PCNX2: variants seen among roughly 807,000 people sequenced by gnomAD.
PCNX2 encodes pecanex 2, also known as pecanex-like protein 2.
PCNX2 carries 168 observed loss-of-function variants against 223.8 expected under a neutral mutation model. That is an observed-to-expected ratio of 0.75 (90% CI 0.66 to 0.85). PCNX2 has a LOEUF of 0.85. Among genes scored for constraint, PCNX2 ranks in the 40% least tolerant of loss-of-function variants. The pLI, the probability that PCNX2 is intolerant of heterozygous loss-of-function variation, is 0.00. For missense variants in PCNX2, 2,507 were observed against 2,675.5 expected, an observed-to-expected ratio of 0.94 and a Z score of 1.39; for synonymous variants, 1,006 against 1,052.6, an observed-to-expected ratio of 0.96 and a Z score of 0.86.
At chr1:233,218,209 CAAAAAAAA>C (rs34818026) in intron 10 of PCNX2, 25 bp from the exon 11 acceptor site, 91,452 of 274,542 alleles carry the variant, frequency 0.33, 4,039 homozygotes, top group East Asian at 0.4. Flanking sequence ...TACATAAAAG[CAAAAAAAA>C]AAAAAAAAAA....
rs1038784299 is a variant in PCNX2, at chr1:233,208,116, T to G, written c.2863+402A>C. 2.6e-5 allele frequency among the ~76,000 whole-genome samples: 4 copies of G among 152,238 alleles called. No individual in the cohort carries two copies. The East Asian group carries it at 5.8e-4, about 22-fold the overall frequency. ...AATTACAGGCATGCGCCAACATGCC[T>G]GGCTAATTTTTTGTATCTTTTTAGT... is the stretch of plus-strand genomic sequence containing the variant. On this transcript the variant is annotated intron_variant, in intron 13 of 33. Coordinates refer to ENST00000258229, the MANE Select transcript of PCNX2 (RefSeq NM_014801.4).
At chr1:233,256,284 AT>A (rs1659729633) in intron 5 of PCNX2, among the ~76,000 whole-genome samples, 1 of 152,152 alleles carries the variant, frequency 6.6e-6, no homozygotes, top group Non-Finnish European at 1.5e-5. Flanking sequence ...AAATAGCAAA[AT>A]TTTTCACATA....
intron 25 of PCNX2, 122 bp from the exon 26 acceptor site, chr1:233,025,521 ATTTG>A (rs1414273768): frequency 3.6e-5 from 47 of 1,301,364 alleles, no homozygotes; most frequent in Non-Finnish European, 4.5e-5. Flanking sequence ...GAATCAGGAA[ATTTG>A]TTTGTCCTCA....
At chr1:233,028,547 T>C (rs1572026903) in intron 25 of PCNX2, among the ~76,000 whole-genome samples, 1 of 152,334 alleles carries the variant, frequency 6.6e-6, no homozygotes, top group Middle Eastern at 3.4e-3. Flanking sequence ...AGGTTTCCTA[T>C]AATTAGTGTT....
At chr1:233,080,530 GC>G (rs1673310344) in intron 23 of PCNX2, among the ~76,000 whole-genome samples, 1 of 152,068 alleles carries the variant, frequency 6.6e-6, no homozygotes, top group African/African-American at 2.4e-5. Context: ...AGTTCTGGAG[GC>G]TGGAAGTCCG....
At chr1:233,292,787 A>G (rs1188511026) in intron 1 of PCNX2, among the ~76,000 whole-genome samples, 1 of 152,214 alleles carries the variant, frequency 6.6e-6, no homozygotes, top group Non-Finnish European at 1.5e-5. Context: ...AGACCAAAGC[A>G]AGAAAAAAAT....
intron 1 of PCNX2, among the ~76,000 whole-genome samples, chr1:233,287,445 G>A (rs550215136): frequency 6.6e-6 from 1 of 152,284 alleles, no homozygotes; most frequent in Non-Finnish European, 1.5e-5. Flanking sequence ...CATGAGGCAG[G>A]TCTTTCCTAT....
At chr1:233,283,404 G>A (rs1284825307) in intron 1 of PCNX2, among the ~76,000 whole-genome samples, 1 of 152,192 alleles carries the variant, frequency 6.6e-6, no homozygotes, top group South Asian at 2.1e-4. Flanking sequence ...CCCACCAAAA[G>A]GATCATGGCT....
chr1:233,083,897 A>C (rs1305648342), intron 23 of PCNX2, among the ~76,000 whole-genome samples: 1 of 152,164 alleles, frequency 6.6e-6, no homozygotes, highest in African/African-American at 2.4e-5. Flanking sequence ...CTGCGGTTTC[A>C]GAAAGGACTT....
At chr1:233,040,590 C>G (rs1359363044) in intron 25 of PCNX2, among the ~76,000 whole-genome samples, 1 of 152,172 alleles carries the variant, frequency 6.6e-6, no homozygotes, top group East Asian at 1.9e-4. Context: ...TTCTCTCACC[C>G]TAACCCCATG....
chr1:233,036,987 A>G (rs1320211194), intron 25 of PCNX2, among the ~76,000 whole-genome samples: 4 of 152,242 alleles, frequency 2.6e-5, no homozygotes, highest in Non-Finnish European at 5.9e-5. Context: ...AGACACAGAA[A>G]GACTGAGTCT....
chr1:233,274,938 A>G (rs1660832600), intron 1 of PCNX2, among the ~76,000 whole-genome samples: 1 of 152,224 alleles, frequency 6.6e-6, no homozygotes, highest in Admixed American at 6.5e-5. Flanking sequence ...GGACAGATGG[A>G]GACAGAAGTA....
At chr1:232,997,300 C>G (rs1335654662) in intron 32 of PCNX2, among the ~76,000 whole-genome samples, 1 of 152,170 alleles carries the variant, frequency 6.6e-6, no homozygotes. Flanking sequence ...TCCTCTCTTT[C>G]TCTCTCTCAT....
intron 19 of PCNX2, among the ~76,000 whole-genome samples, chr1:233,141,487 C>T (rs548492514): frequency 2.0e-3 from 302 of 152,112 alleles, no homozygotes; most frequent in Non-Finnish European, 3.3e-3. Flanking sequence ...GCCAACATGG[C>T]GAAATCCGAC....
chr1:232,986,803 G>T (rs1356740774), intron 32 of PCNX2, among the ~76,000 whole-genome samples: 1 of 152,210 alleles, frequency 6.6e-6, no homozygotes, highest in South Asian at 2.1e-4. Flanking sequence ...AGAAGCTGCA[G>T]CCAGGGTGAC....
intron 10 of PCNX2, among the ~76,000 whole-genome samples, chr1:233,221,228 G>A (rs1657360210): frequency 6.6e-6 from 1 of 151,722 alleles, no homozygotes; most frequent in Non-Finnish European, 1.5e-5. Flanking sequence ...AAATATATTT[G>A]GCAAAAAGGA....
At chr1:233,153,035 C>A (rs1042076688) in intron 19 of PCNX2, among the ~76,000 whole-genome samples, 1 of 152,168 alleles carries the variant, frequency 6.6e-6, no homozygotes, top group African/African-American at 2.4e-5. Context: ...TCCTAAACTT[C>A]CCAAAAGCTT....
rs1182380040 is a variant in PCNX2, at chr1:233,161,311, G to C, written c.3326C>G (p.Ser1109Ter). 9 of 1,613,802 alleles carry C rather than the reference G, an allele frequency of 5.6e-6. No individual in the cohort carries two copies. The highest frequency in any genetic ancestry group is 7.6e-6 in the Non-Finnish European group (9 of 1,179,862). ...LIVCAVVAVL[S>*]FAVSASTVFL... ...TACAGTGCTGGCGCTGACTGCAAAT[G>C]AGAGGACAGCAACCACTGCGCAGAC... The change falls in exon 18 of 34, where the codon TCA becomes TGA. Residue 1109 changes from serine to a stop codon, truncating the protein, a stop_gained. Transcript: ENST00000258229. LOFTEE classifies it high-confidence loss of function.
chr1:233,061,290 G>A (rs1672395986), intron 23 of PCNX2, among the ~76,000 whole-genome samples: 1 of 152,168 alleles, frequency 6.6e-6, no homozygotes, highest in Non-Finnish European at 1.5e-5. Flanking sequence ...CTTTAAAATT[G>A]ATTATATGCA....
Sources: allele counts gnomAD v4.1 joint callset (sites outside exome capture counted in the v4.1 genomes callset), GRCh38; gene constraint gnomAD v4.1.1; transcripts MANE v1.5; gene names NCBI Gene and HGNC (gene_info 2026-07-23, HGNC 2026-07-21).